Variants in DSP observed in about 807,000 individuals in gnomAD.
The protein encoded by DSP is 250/210 kDa paraneoplastic pemphigus antigen.
In DSP, 114 loss-of-function variants were observed where a neutral mutation model predicts 290.6. The ratio of observed to expected loss-of-function variants is 0.39; its 90% CI spans 0.34 to 0.46. The LOEUF (loss-of-function observed/expected upper bound fraction) is 0.46. DSP is among the 20% of genes least tolerant of loss of function. The pLI is 0.99. For missense variants in DSP, 3,230 were observed against 3,495.8 expected (o/e 0.92, Z 1.92); for synonymous variants, 1,311 against 1,316.4 (o/e 1.00, Z 0.09).
rs929523998 is a variant in DSP at position 7,565,531 on chromosome 6, C to G, written c.939+11C>G. The G allele has an allele frequency of 1.2e-6, 2 of 1,613,768 alleles. No individual in the cohort carries two copies. Among genetic ancestry groups the G allele is most frequent in the Non-Finnish European group, 1.7e-6 (2 of 1,179,816 alleles). On this transcript the variant is annotated intron_variant, in intron 7 of 23. Coordinates refer to ENST00000379802, the MANE Select transcript of DSP (RefSeq NM_004415.4). This position sits in a 1 kb window ranked among gnomAD's most constrained non-coding sequence, Gnocchi z 4.2. The stretch of plus-strand genomic sequence containing the variant: ...CAGGAGGCCTTCTCCGTAAGTTCAC[C>G]CCACGCGGCTGTAGATGCTTGTCTT...
rs1216911681 is a variant in DSP at position 7,547,896 on chromosome 6, C to CT, written c.170+5819dup. Among the ~76,000 whole-genome samples the CT allele has an allele frequency of 2.6e-5, 4 of 152,054 alleles. No homozygotes were observed. In the East Asian group the frequency reaches 7.7e-4, roughly 29 times the overall value. ...TCCATTTCTTCCTTTTCCTCTTTCT[C>CT]TTTTTTTTCTTATCACCCCGCCTCC... On this transcript the variant is annotated intron_variant, in intron 1 of 23. Coordinates refer to ENST00000379802, the MANE Select transcript of DSP (RefSeq NM_004415.4).
chr6:7,550,323 G>A (rs1165393127), intron 1 of DSP, among the ~76,000 whole-genome samples: 1 of 152,006 alleles, frequency 6.6e-6, no homozygotes, highest in Non-Finnish European at 1.5e-5. Context: ...CCAAAGTGCT[G>A]GGATTACAGG....
Position 7,580,981 on chromosome 6 carries a change from G to T in DSP, c.4791G>T (p.Glu1597Asp). The change falls in exon 23 of 24, where the codon GAG (glutamate) becomes GAT (aspartate). Residue 1597 changes from glutamate (E) to aspartate (D), a missense_variant. By Grantham distance (45) the Glu-to-Asp change is conservative. This residue lies in a region of DSP where 1,714 missense variants were observed against 1,844.5 expected (regional missense o/e 0.93). Coordinates refer to ENST00000379802, the MANE Select transcript of DSP (RefSeq NM_004415.4). The surrounding 1 kb of genome is among the most constrained non-coding windows in gnomAD (Gnocchi z 4.2). ...DSCKRKKLEE[E>D]LEGMRRSLKE... ...GCAAGAGGAAGAAGCTGGAGGAAGA[G>T]CTGGAAGGCATGAGGAGGTCGCTGA... 6.2e-7 allele frequency: 1 copy of T among 1,614,108 alleles called. No homozygotes were observed. The highest frequency in any genetic ancestry group is 1.7e-5 in the Admixed American group (1 of 60,028).
Position 7,565,237 on chromosome 6 carries a change from A to C in DSP, c.778-122A>C. The stretch of plus-strand genomic sequence containing the variant: ...GGTGGTCAGTGAATGCACAAGGTTA[A>C]CATTTTTCCTATCCGTGTGATTTTT... On this transcript the variant is annotated intron_variant, in intron 6 of 23. Coordinates refer to ENST00000379802, the MANE Select transcript of DSP (RefSeq NM_004415.4). The surrounding 1 kb of genome is among the most constrained non-coding windows in gnomAD (Gnocchi z 4.2). 1 of 1,299,044 alleles carries C rather than the reference A, an allele frequency of 7.7e-7. No individual in the cohort carries two copies. Among genetic ancestry groups the C allele is most frequent in the Non-Finnish European group, 1.1e-6 (1 of 919,914 alleles). 80.5% of individuals were successfully genotyped at this position (1,299,044 alleles called of 1,614,324 possible).
In DSP at chr6:7,542,085, G is replaced by C; in HGVS notation, c.170G>C (p.Cys57Ser). 6.4e-7 allele frequency: 1 copy of C among 1,559,222 alleles called. No individual in the cohort carries two copies. Among genetic ancestry groups the C allele is most frequent in the South Asian group, 1.2e-5 (1 of 84,698 alleles). The change falls in exon 1 of 24, where the codon TGT (cysteine) becomes TCT (serine). Residue 57 changes from cysteine to serine, a missense_variant and splice_region_variant. Physicochemically the swap from Cys to Ser is moderately radical, Grantham distance 112. This residue lies in a region of DSP where 646 missense variants were observed against 684.3 expected (regional missense o/e 0.94). Coordinates refer to ENST00000379802, the MANE Select transcript of DSP (RefSeq NM_004415.4). ...ACCGACCAGAACTCGGACGGCTACT[G>C]GTGGGTACCTGCCCGGAGAGCGCGG... Reference protein sequence around the residue: ...VITDQNSDGYCQTGTMSRHQN... With the variant: ...VITDQNSDGYSQTGTMSRHQN...
intron 1 of DSP, among the ~76,000 whole-genome samples, chr6:7,550,483 A>T (rs1175572277): frequency 6.6e-6 from 1 of 152,194 alleles, no homozygotes; most frequent in Non-Finnish European, 1.5e-5. Context: ...AAACCTTGAA[A>T]TCTTGGTAAT....
rs1040403157 is a variant in DSP, at chr6:7,565,151, A to G, written c.778-208A>G. On this transcript the variant is annotated intron_variant, in intron 6 of 23. Coordinates refer to ENST00000379802, the MANE Select transcript of DSP (RefSeq NM_004415.4). The surrounding 1 kb of genome is among the most constrained non-coding windows in gnomAD (Gnocchi z 4.2). ...AGACGAGAGCGACAGTCCGTCTCAA[A>G]AAAAAAAAAGTTGCTGCCTTCTTGT... Among the ~76,000 whole-genome samples the G allele has an allele frequency of 6.6e-6, 1 of 152,118 alleles. No homozygotes were observed. Among genetic ancestry groups the G allele is most frequent in the Non-Finnish European group, 1.5e-5 (1 of 67,996 alleles).
chr6:7,580,349 G>A lies in DSP; in HGVS notation c.4159G>A (p.Asp1387Asn). Residue 1387 changes from aspartate (D) to asparagine (N), a missense_variant, in exon 23 of 24, where the codon GAT (aspartate) becomes AAT (asparagine). Physicochemically the swap from Asp to Asn is conservative, Grantham distance 23 (BLOSUM62 1). This residue lies in a region of DSP where 1,714 missense variants were observed against 1,844.5 expected (regional missense o/e 0.93). Transcript: ENST00000379802. The surrounding 1 kb of genome is among the most constrained non-coding windows in gnomAD (Gnocchi z 4.2). ...IHQLTMQKEEDTSGYRAQIDN... is the reference protein window; with the variant it reads ...IHQLTMQKEENTSGYRAQIDN... ...CCAGCTCACCATGCAGAAGGAAGAGGATACCAGTGGCTACCGGGCTCAGAT... is the reference window on the plus strand; with the variant it reads ...CCAGCTCACCATGCAGAAGGAAGAGAATACCAGTGGCTACCGGGCTCAGAT... The A allele has an allele frequency of 6.2e-7, 1 of 1,614,114 alleles. No individual in the cohort carries two copies. The highest frequency in any genetic ancestry group is 8.5e-7 in the Non-Finnish European group (1 of 1,180,018).
intron 1 of DSP, among the ~76,000 whole-genome samples, chr6:7,553,936 A>C (rs531296302): frequency 6.6e-6 from 1 of 152,224 alleles, no homozygotes; most frequent in Non-Finnish European, 1.5e-5. Flanking sequence ...ATGGGTGGCC[A>C]AAAAAGAAAT....
rs150339369 is a variant in DSP, at chr6:7,574,781, C to T, written c.2422C>T (p.Arg808Cys). ...GGACCTGGATAAAGTGGAAGCTTAC[C>T]GCTGTGGACTGAAGGTAACTTGAAA... is the stretch of plus-strand genomic sequence containing the variant. ...CLDLDKVEAY[R>C]CGLKKIKNDL... is the part of the protein sequence containing the mutation. The change falls in exon 17 of 24, where the codon CGC becomes TGC. Residue 808 changes from arginine to cysteine, a missense_variant. Arg to Cys is a radical substitution (Grantham distance 180). This residue lies in a region of DSP where 1,714 missense variants were observed against 1,844.5 expected (regional missense o/e 0.93). Transcript: ENST00000379802. 396 of 1,614,152 alleles carry T rather than the reference C, an allele frequency of 2.5e-4. 1 individual carries two copies. Among genetic ancestry groups the T allele is most frequent in the Non-Finnish European group, 2.3e-4 (269 of 1,180,006 alleles).
In DSP at chr6:7,567,350, T is replaced by G. The variant is rs1253597599; in HGVS notation, c.1045-4T>G. 5.6e-6 allele frequency: 9 copies of G among 1,613,486 alleles called. No homozygotes were observed. In the Admixed American group the frequency reaches 1.2e-4, roughly 21 times the overall value. ...CTAAGACAGCTGACATTTTCTTGTT[T>G]CAGGCCTATATGGACACTCTGCAGA... On this transcript the variant is annotated splice_polypyrimidine_tract_variant and splice_region_variant and intron_variant, in intron 8 of 23. Coordinates refer to ENST00000379802, the MANE Select transcript of DSP (RefSeq NM_004415.4).
In DSP at chr6:7,584,769, T is replaced by A. The variant is rs761369999; in HGVS notation, c.7507T>A (p.Trp2503Arg). 1 of 1,614,136 alleles carries A rather than the reference T, an allele frequency of 6.2e-7. No homozygotes were observed. The highest frequency in any genetic ancestry group is 1.1e-5 in the South Asian group (1 of 91,084). ...FKELCEQECE[W>R]EEITITGSDG... ...AGAACTGTGTGAGCAGGAATGTGAATGGGAAGAAATAACCATCACGGGATC... is the reference window on the plus strand; with the variant it reads ...AGAACTGTGTGAGCAGGAATGTGAAAGGGAAGAAATAACCATCACGGGATC... The change falls in exon 24 of 24, where the codon TGG becomes AGG. Residue 2503 changes from tryptophan to arginine, a missense_variant. This residue lies in a region of DSP where 582 missense variants were observed against 555.4 expected (regional missense o/e 1.05). Transcript: ENST00000379802. This position sits in a 1 kb window ranked among gnomAD's most constrained non-coding sequence, Gnocchi z 6.4.
intron 1 of DSP, among the ~76,000 whole-genome samples, chr6:7,550,800 T>C (rs1475782032): frequency 6.6e-6 from 1 of 151,922 alleles, no homozygotes; most frequent in Non-Finnish European, 1.5e-5. Context: ...TTTTTCTTTT[T>C]TTTTTTTTAA....
At position 7,569,523 on chromosome 6, in the gene DSP, G is replaced by A. The variant is rs148110939; in HGVS notation, c.1574+183G>A. Reference sequence around the variant, plus strand: ...CTTGCAATTTTATGTTGAATAGACAGTCGTTATTGAAGAATAAAAGGGAAT... The same window carrying A: ...CTTGCAATTTTATGTTGAATAGACAATCGTTATTGAAGAATAAAAGGGAAT... On this transcript the variant is annotated intron_variant, in intron 12 of 23. Coordinates refer to ENST00000379802, the MANE Select transcript of DSP (RefSeq NM_004415.4). Among the ~76,000 whole-genome samples the A allele has an allele frequency of 2.7e-3, 412 of 152,342 alleles. 1 individual carries two copies. Among genetic ancestry groups the A allele is most frequent in the African/African-American group, 9.7e-3 (402 of 41,584 alleles).
At position 7,580,113 on chromosome 6, in the gene DSP, G is replaced by A. The variant is rs184154918; in HGVS notation, c.3923G>A (p.Arg1308Gln). 2.7e-4 allele frequency: 441 copies of A among 1,613,998 alleles called. 2 individuals carry two copies. The East Asian group carries it at 8.8e-3, about 32-fold the overall frequency. The part of the protein sequence containing the change: ...VMQQRSEDNA[R>Q]HKQSLEEAAK... ...CAGCAGCGCTCTGAGGACAATGCCC[G>A]GCACAAGCAGTCCCTGGAGGAGGCT... Residue 1308 changes from arginine (R) to glutamine (Q), a missense_variant, in exon 23 of 24, where the codon CGG becomes CAG. Physicochemically the swap from Arg to Gln is conservative, Grantham distance 43. This residue lies in a region of DSP where 1,714 missense variants were observed against 1,844.5 expected (regional missense o/e 0.93). Transcript: ENST00000379802. The surrounding 1 kb of genome is among the most constrained non-coding windows in gnomAD (Gnocchi z 4.2).
chr6:7,581,320 A>G lies in DSP; in HGVS notation c.5130A>G (p.Thr1710=). Residue 1710 remains threonine, a synonymous_variant, in exon 23 of 24, where the codon ACA becomes ACG. Transcript: ENST00000379802. ...KIEIERLQSL[T]ENLTKEHLML... is the part of the protein sequence containing the mutation. ...AAATTGAGAGGCTGCAGTCTCTCAC[A>G]GAGAACCTGACCAAGGAGCACTTGA... is the stretch of plus-strand genomic sequence containing the variant. 6.2e-7 allele frequency: 1 copy of G among 1,614,222 alleles called. No individual in the cohort carries two copies.
chr6:7,567,901 C>G lies in DSP; in HGVS notation c.1261C>G (p.Leu421Val), dbSNP rs760339191. The change falls in exon 10 of 24, where the codon CTG (leucine) becomes GTG (valine). Residue 421 changes from leucine (L) to valine (V), a missense_variant. Physicochemically the swap from Leu to Val is conservative, Grantham distance 32. Coordinates refer to ENST00000379802, the MANE Select transcript of DSP (RefSeq NM_004415.4). Reference protein sequence around the residue: ...LQHLLEQIKELEKEREKILEY... With the variant: ...LQHLLEQIKEVEKEREKILEY... ...GCACCTGCTGGAACAGATCAAGGAG[C>G]TGGAGGTATCGTCTCAGACCCAGAA... The G allele has an allele frequency of 1.2e-6, 2 of 1,613,640 alleles. No individual in the cohort carries two copies. Among genetic ancestry groups the G allele is most frequent in the East Asian group, 4.5e-5 (2 of 44,864 alleles).
In DSP at chr6:7,572,078, T is replaced by C; in HGVS notation, c.2130+10T>C. On this transcript the variant is annotated intron_variant, in intron 15 of 23. Coordinates refer to ENST00000379802, the MANE Select transcript of DSP (RefSeq NM_004415.4). ...AATTAACGAGCTTAAGGTAGGTATC[T>C]GCTAGTATTTTGCCTGGTTACCCTG... 1 of 1,609,492 alleles carries C rather than the reference T, an allele frequency of 6.2e-7. No individual in the cohort carries two copies. Among genetic ancestry groups the C allele is most frequent in the African/African-American group, 1.3e-5 (1 of 74,948 alleles).
chr6:7,576,839 A>G (rs2113687290), intron 19 of DSP, 120 bp from the exon 20 acceptor site: 3 of 879,344 alleles, frequency 3.4e-6, no homozygotes, highest in East Asian at 2.7e-5. Context: ...ATATGAGACA[A>G]GTACATGTAG....
Sources: gnomAD v4.1 joint callset for allele counts (sites outside exome capture counted in the v4.1 genomes callset) on GRCh38, gnomAD v4.1.1 for gene constraint, gnomAD v4.1.1 regional missense constraint, Gnocchi (gnomAD v3.1) non-coding constraint, MANE v1.5 for transcripts, NCBI Gene and HGNC (gene_info 2026-07-23, HGNC 2026-07-21) for gene names.